Variants in MRE11 observed in about 807,000 individuals in gnomAD.
MRE11 encodes double-strand break repair protein MRE11.
A neutral mutation model predicts 91.7 loss-of-function variants in MRE11; 62 were observed. The observed-to-expected ratio is 0.68, with a 90% CI of 0.55 to 0.84. The LOEUF (loss-of-function observed/expected upper bound fraction) is 0.84, where lower values mean the gene tolerates loss of function less well. MRE11 is among the 40% of genes least tolerant of loss of function. MRE11 has a pLI of 0.00. For synonymous variants in MRE11, 273 were observed against 271.4 expected, an observed-to-expected ratio of 1.01 and a Z score of -0.06; for missense variants, 796 against 852.9, an observed-to-expected ratio of 0.93 and a Z score of 0.83.
the MRE11 span, among the ~76,000 whole-genome samples, chr11:94,508,807 G>C: frequency 1.3e-5 from 2 of 150,740 alleles, no homozygotes; most frequent in Non-Finnish European, 2.9e-5. Context: ...TTTCACCCAG[G>C]CTGGAGTGCA....
chr11:94,445,548 T>G (rs774203637), intron 16 of MRE11, among the ~76,000 whole-genome samples: 3 of 152,226 alleles, frequency 2.0e-5, no homozygotes, highest in Non-Finnish European at 2.9e-5. Flanking sequence ...GACCTCGTGA[T>G]CTGCCTGTCT....
At chr11:94,439,649 T>C (rs564325753) in intron 16 of MRE11, among the ~76,000 whole-genome samples, 1 of 152,332 alleles carries the variant, frequency 6.6e-6, no homozygotes, top group Admixed American at 6.5e-5. Flanking sequence ...AACACCAGTT[T>C]GCACTTACTG....
upstream of MRE11, chr11:94,497,434 TAA>T: frequency 5.5e-6 from 1 of 183,320 alleles, no homozygotes; most frequent in Non-Finnish European, 1.1e-5. Flanking sequence ...CTCATTTTAC[TAA>T]GTTTCCCCAT....
chr11:94,447,711 T>C (rs1055691852), intron 14 of MRE11, among the ~76,000 whole-genome samples: 2 of 149,160 alleles, frequency 1.3e-5, no homozygotes, highest in South Asian at 2.1e-4. Flanking sequence ...GGCATGCACC[T>C]GTAGTCCCGA....
the MRE11 span, among the ~76,000 whole-genome samples, chr11:94,508,813 G>A: frequency 6.7e-6 from 1 of 150,314 alleles, no homozygotes; most frequent in Non-Finnish European, 1.5e-5. Context: ...CCAGGCTGGA[G>A]TGCAGTGGCA....
At position 94,419,295 on chromosome 11, in the gene MRE11, TTACTG is replaced by T. The variant is rs1382774243; in HGVS notation, c.*825_*829del. On this transcript the variant is annotated 3_prime_UTR_variant, in exon 20 of 20. Coordinates refer to ENST00000323929, the MANE Select transcript of MRE11 (RefSeq NM_005591.4). ...TCCACATTAAATATATTTCTATACT[TTACTG>T]TAAGGTTCAACTGACCACTCTACCT... The T allele has an allele frequency of 1.3e-5, 3 of 232,844 alleles. No individual in the cohort carries two copies. The East Asian group carries it at 1.8e-4, about 14-fold the overall frequency. The allele number at this position is 232,844 out of a possible 1,614,324, so 14.4% of individuals were successfully genotyped here. A position where few individuals can be genotyped will look rare whatever the true frequency, so the allele number is the denominator to read the frequency against.
chr11:94,420,226 C>T, intron 19 of MRE11, 45 bp from the exon 20 acceptor site: 1 of 1,489,534 alleles, frequency 6.7e-7, no homozygotes, highest in East Asian at 2.3e-5. Flanking sequence ...TTCCCTGCTT[C>T]ACTGAAACAA....
chr11:94,510,193 T>A, the MRE11 span, among the ~76,000 whole-genome samples: 1 of 152,220 alleles, frequency 6.6e-6, no homozygotes, highest in Non-Finnish European at 1.5e-5. Context: ...ACTACTTCTA[T>A]TAAAGCTATA....
At chr11:94,497,121 A>G (rs1463519091), upstream of MRE11, 1 of 832,146 alleles carries the variant, frequency 1.2e-6, no homozygotes, top group South Asian at 1.6e-5. Flanking sequence ...CATGCTAGGT[A>G]TTATTTGGGG....
At chr11:94,430,091 AAC>A in intron 18 of MRE11, 105 bp from the exon 19 acceptor site, 1 of 1,037,542 alleles carries the variant, frequency 9.6e-7, no homozygotes, top group Non-Finnish European at 1.5e-6. Context: ...GAATATAAAT[AAC>A]ACACAATTCC....
intron 19 of MRE11, among the ~76,000 whole-genome samples, chr11:94,429,685 G>C (rs1157406436): frequency 6.6e-6 from 1 of 152,140 alleles, no homozygotes; most frequent in Non-Finnish European, 1.5e-5. Context: ...CTGAGAGTAG[G>C]ATGTGTGTTG....
At chr11:94,421,722 G>A (rs1945176243) in intron 19 of MRE11, among the ~76,000 whole-genome samples, 1 of 152,172 alleles carries the variant, frequency 6.6e-6, no homozygotes, top group Non-Finnish European at 1.5e-5. Context: ...AGCAGCCAAA[G>A]CTAAAAATGA....
chr11:94,427,576 C>A (rs1020849850), intron 19 of MRE11, among the ~76,000 whole-genome samples: 4 of 152,022 alleles, frequency 2.6e-5, no homozygotes, highest in African/African-American at 9.7e-5. Context: ...GAAAAGACAT[C>A]CAAACAGGAA....
At chr11:94,455,492 T>C (rs1022035985) in intron 14 of MRE11, among the ~76,000 whole-genome samples, 15 of 151,928 alleles carry the variant, frequency 9.9e-5, no homozygotes, top group African/African-American at 3.6e-4. Context: ...AAATACTAGA[T>C]AGCAATCATA....
chr11:94,464,374 T>C (rs1256899902), intron 10 of MRE11, 135 bp from the exon 11 acceptor site: 1 of 1,189,742 alleles, frequency 8.4e-7, no homozygotes, highest in East Asian at 2.5e-5. Flanking sequence ...CTACAGTAGA[T>C]CATGATGGAG....
chr11:94,434,953 A>G (rs1945564314), intron 18 of MRE11, among the ~76,000 whole-genome samples: 2 of 152,264 alleles, frequency 1.3e-5, no homozygotes. Flanking sequence ...TTTATTAAGT[A>G]GAAATTCTCA....
chr11:94,510,588 A>G, the MRE11 span, among the ~76,000 whole-genome samples: 25 of 152,330 alleles, frequency 1.6e-4, no homozygotes, highest in Admixed American at 6.5e-4. Flanking sequence ...CATATTAGGT[A>G]AGGATATAGT....
At chr11:94,477,147 A>G (rs1441416238) in intron 6 of MRE11, among the ~76,000 whole-genome samples, 2 of 152,250 alleles carry the variant, frequency 1.3e-5, no homozygotes, top group Non-Finnish European at 2.9e-5. Flanking sequence ...AATTCTTATT[A>G]AAACTTCTAG....
intron 11 of MRE11, among the ~76,000 whole-genome samples, chr11:94,463,193 C>G (rs1317965115): frequency 1.3e-5 from 2 of 152,194 alleles, no homozygotes; most frequent in Non-Finnish European, 2.9e-5. Context: ...CTCATCATCA[C>G]TGCCCGTCAG....
Sources: allele counts gnomAD v4.1 joint callset (sites outside exome capture counted in the v4.1 genomes callset), GRCh38; gene constraint gnomAD v4.1.1; transcripts MANE v1.5; gene names NCBI Gene and HGNC (gene_info 2026-07-23, HGNC 2026-07-21).